LIMK2: variants seen among roughly 807,000 people sequenced by gnomAD.
LIMK2 encodes the protein LIM domain kinase 2.
In LIMK2, 35 loss-of-function variants were observed where a neutral mutation model predicts 75.7. That is an observed-to-expected ratio of 0.46 (90% confidence interval 0.35 to 0.61). LIMK2 has a LOEUF of 0.61. Ranked by LOEUF, LIMK2 falls within the 20% of genes least tolerant of loss-of-function variation. The probability of loss-of-function intolerance (pLI) is 0.00; values close to 1 mark genes in which losing one functional copy is unlikely to be tolerated. For missense variants in LIMK2, 623 were observed against 831.0 expected, an observed-to-expected ratio of 0.75 and a Z score of 3.08; for synonymous variants, 301 against 319.2, an observed-to-expected ratio of 0.94 and a Z score of 0.61.
intron 11 of LIMK2, among the ~76,000 whole-genome samples, chr22:31,268,605 G>C (rs2123855264): frequency 6.6e-6 from 1 of 152,254 alleles, no homozygotes. Flanking sequence ...AGTTCTTATT[G>C]GCAGAGAGGC....
At chr22:31,267,098 T>C (rs774833444) in intron 9 of LIMK2, 28 bp downstream of exon 9, 4 of 1,353,014 alleles carry the variant, frequency 3.0e-6, no homozygotes, top group East Asian at 2.3e-5. Flanking sequence ...GCCCGGGAGG[T>C]TGGTGTCACC....
intron 2 of LIMK2, among the ~76,000 whole-genome samples, chr22:31,226,851 C>A (rs2048484962): frequency 7.0e-6 from 1 of 143,784 alleles, no homozygotes; most frequent in Non-Finnish European, 1.5e-5. Flanking sequence ...CTCAGGTGAT[C>A]CGCCTGCCTC....
At chr22:31,231,928 C>T (rs2048532421) in intron 2 of LIMK2, among the ~76,000 whole-genome samples, 1 of 152,054 alleles carries the variant, frequency 6.6e-6, no homozygotes, top group African/African-American at 2.4e-5. Context: ...GCAATCCTCC[C>T]ACCTCAGCCT....
chr22:31,229,617 A>G (rs948128292), intron 2 of LIMK2, among the ~76,000 whole-genome samples: 5 of 152,162 alleles, frequency 3.3e-5, no homozygotes, highest in Admixed American at 3.3e-4. Flanking sequence ...CAGCTGGGCT[A>G]CAGTTACAAT....
Position 31,262,239 on chromosome 22 carries a change from G to A in LIMK2, c.657G>A (p.Glu219=). The A allele has an allele frequency of 6.2e-7, 1 of 1,603,786 alleles. No homozygotes were observed. Among genetic ancestry groups the A allele is most frequent in the Non-Finnish European group, 8.5e-7 (1 of 1,170,562 alleles). The change falls in exon 6 of 16, where the codon GAG becomes GAA. Residue 219 remains glutamate (E), a splice_region_variant and synonymous_variant. Transcript: ENST00000331728. The surrounding 1 kb of genome is among the most constrained non-coding windows in gnomAD (Gnocchi z 5.0). ...CCGTCCGCACACTTCGAGTGGAGGA[G>A]GTAGAGTGTGTGTCTAATCTGTCTT... ...GTPVRTLRVE[E]VEDAISQTSQ...
In LIMK2 at chr22:31,263,100, T is replaced by G. The variant is rs74387892; in HGVS notation, c.854+309T>G. Among the ~76,000 whole-genome samples, 412 of 152,286 alleles carry G rather than the reference T, an allele frequency of 2.7e-3. 2 individuals are homozygous for G. Among genetic ancestry groups the G allele is most frequent in the African/African-American group, 9.6e-3 (401 of 41,558 alleles). ...ATGGCCTATGGAGAAAGCATGGAGC[T>G]CAGAGCCTGGAGTAGGGGCACAGAT... is the stretch of plus-strand genomic sequence containing the variant. On this transcript the variant is annotated intron_variant, in intron 7 of 15. Transcript: ENST00000331728.
chr22:31,217,024 A>G (rs2048394076), intron 1 of LIMK2, among the ~76,000 whole-genome samples: 1 of 152,208 alleles, frequency 6.6e-6, no homozygotes, highest in South Asian at 2.1e-4. Flanking sequence ...TGTTCCTTGA[A>G]CATTCTTTCT....
chr22:31,272,844 G>A (rs2048973902), intron 13 of LIMK2, 140 bp downstream of exon 13: 2 of 1,412,070 alleles, frequency 1.4e-6, no homozygotes, highest in South Asian at 3.3e-5. Context: ...TCCCTTGCCA[G>A]GTGGGGCCTC....
At chr22:31,249,527 C>T (rs1321292977) in intron 2 of LIMK2, among the ~76,000 whole-genome samples, 1 of 152,168 alleles carries the variant, frequency 6.6e-6, no homozygotes, top group African/African-American at 2.4e-5. Flanking sequence ...CCCCACTCCA[C>T]CTCCCATAGA....
At chr22:31,263,266 T>G (rs2123844175) in intron 7 of LIMK2, among the ~76,000 whole-genome samples, 1 of 152,152 alleles carries the variant, frequency 6.6e-6, no homozygotes, top group Non-Finnish European at 1.5e-5. Context: ...TTGCCTTGAG[T>G]GGAAGCCCCA....
In LIMK2 at chr22:31,278,676, G is replaced by A. The variant is rs962099649; in HGVS notation, c.*235G>A. 25 of 380,308 alleles carry A rather than the reference G, an allele frequency of 6.6e-5. No individual in the cohort carries two copies. The highest frequency in any genetic ancestry group is 1.1e-4 in the Non-Finnish European group (23 of 213,152). The allele number at this position is 380,308 out of a possible 1,614,324, so 23.6% of individuals were successfully genotyped here. On this transcript the variant is annotated 3_prime_UTR_variant, in exon 16 of 16. Coordinates refer to ENST00000331728, the MANE Select transcript of LIMK2 (RefSeq NM_005569.4). ...CTGTAAATCCAATACTTGCCTGAAA[G>A]CTGTGAAGAAGAAAAAAACCCCTGG...
At position 31,212,298 on chromosome 22, in the gene LIMK2, G is replaced by A; in HGVS notation, c.-111G>A. 5.9e-6 allele frequency: 7 copies of A among 1,186,356 alleles called. No individual in the cohort carries two copies. In the South Asian group the frequency reaches 1.1e-4, roughly 19 times the overall value. The allele number at this position is 1,186,356 out of a possible 1,614,324, so 73.5% of individuals were successfully genotyped here. A position where few individuals can be genotyped will look rare whatever the true frequency, so the allele number is the denominator to read the frequency against. Reference sequence around the variant, plus strand: ...CATCCCGTTCGCGCCTGGGGCTGTGGTCTTCCCGCGCCTGAGGCGGCGGCG... The same window carrying A: ...CATCCCGTTCGCGCCTGGGGCTGTGATCTTCCCGCGCCTGAGGCGGCGGCG... On this transcript the variant is annotated 5_prime_UTR_variant, in exon 1 of 16. Coordinates refer to ENST00000331728, the MANE Select transcript of LIMK2 (RefSeq NM_005569.4).
chr22:31,219,718 C>T (rs2048418031), intron 1 of LIMK2, among the ~76,000 whole-genome samples: 1 of 152,140 alleles, frequency 6.6e-6, no homozygotes, highest in Non-Finnish European at 1.5e-5. Flanking sequence ...ACTACAGGCG[C>T]CCATCACCAT....
chr22:31,265,673 G>A (rs191690038), intron 7 of LIMK2, among the ~76,000 whole-genome samples: 3 of 152,288 alleles, frequency 2.0e-5, no homozygotes, highest in African/African-American at 7.2e-5. Context: ...GTCACATACT[G>A]AGCATTATCA....
At position 31,248,878 on chromosome 22, in the gene LIMK2, C is replaced by T. The variant is rs963477479; in HGVS notation, c.117-9413C>T. On this transcript the variant is annotated intron_variant, in intron 2 of 15. Transcript: ENST00000331728. ...ACTTAGTCCTTTACCATCGGTTCTG[C>T]CGGGCAGAAGCCAGCGGAGGTTATA... 2.1e-5 allele frequency: 26 copies of T among 1,224,592 alleles called. No individual in the cohort carries two copies. In the African/African-American group the frequency reaches 3.7e-4, roughly 18 times the overall value. The allele number at this position is 1,224,592 out of a possible 1,614,324, so 75.9% of individuals were successfully genotyped here. A position where few individuals can be genotyped will look rare whatever the true frequency, so the allele number is the denominator to read the frequency against.
intron 14 of LIMK2, among the ~76,000 whole-genome samples, chr22:31,274,218 G>T (rs1165771808): frequency 1.3e-5 from 2 of 151,960 alleles, no homozygotes; most frequent in Non-Finnish European, 2.9e-5. Flanking sequence ...CCTGTGCCAG[G>T]TACCACGTGG....
At chr22:31,228,021 CGTGTGTGTGTGTGTGTGT>C (rs66641491) in intron 2 of LIMK2, among the ~76,000 whole-genome samples, 4 of 147,534 alleles carry the variant, frequency 2.7e-5, no homozygotes, top group Non-Finnish European at 6.1e-5. Flanking sequence ...TCTGTGCGTG[CGTGTGTGTGTGTGTGTGT>C]GTGTGTGTGT....
At chr22:31,269,137 G>A (rs1242103106) in intron 11 of LIMK2, among the ~76,000 whole-genome samples, 1 of 151,664 alleles carries the variant, frequency 6.6e-6, no homozygotes, top group Non-Finnish European at 1.5e-5. Context: ...AAAGGATATT[G>A]CTCTGTTGCC....
rs561622916 is a variant in LIMK2 at position 31,265,344 on chromosome 22, C to T, written c.855-602C>T. Reference sequence around the variant, plus strand: ...TCGTGCCATTGCACTTCAGCCTGGGCGACAGAGCGAGACTCTGTCTCAAAA... The same window carrying T: ...TCGTGCCATTGCACTTCAGCCTGGGTGACAGAGCGAGACTCTGTCTCAAAA... On this transcript the variant is annotated intron_variant, in intron 7 of 15. Transcript: ENST00000331728. Among the ~76,000 whole-genome samples, 3 of 151,812 alleles carry T rather than the reference C, an allele frequency of 2.0e-5. No homozygotes were observed. In the South Asian group the frequency reaches 6.3e-4, roughly 32 times the overall value.
Sources: gnomAD v4.1 joint callset for allele counts (sites outside exome capture counted in the v4.1 genomes callset) on GRCh38, gnomAD v4.1.1 for gene constraint, Gnocchi (gnomAD v3.1) non-coding constraint, MANE v1.5 for transcripts, NCBI Gene and HGNC (gene_info 2026-07-23, HGNC 2026-07-21) for gene names.